Variants in ATP8A1 observed in about 807,000 individuals in gnomAD.
The protein encoded by ATP8A1 is phospholipid-transporting ATPase IA.
A neutral mutation model predicts 177.7 loss-of-function variants in ATP8A1; 90 were observed. The observed-to-expected ratio is 0.51, with a 90% CI of 0.43 to 0.60. The LOEUF (loss-of-function observed/expected upper bound fraction) is 0.60, where lower values mean the gene tolerates loss of function less well. Ranked by LOEUF, ATP8A1 falls within the 20% of genes least tolerant of loss-of-function variation. ATP8A1 has a pLI of 0.00. For synonymous variants in ATP8A1, 493 were observed against 485.9 expected (o/e 1.01, Z -0.19); for missense variants, 1,072 against 1,392.8 (o/e 0.77, Z 3.67).
At chr4:42,452,120 C>A in intron 29 of ATP8A1, 61 bp from the exon 30 acceptor site, 1 of 1,202,448 alleles carries the variant, frequency 8.3e-7, no homozygotes, top group South Asian at 1.3e-5. Flanking sequence ...TGAACTCTGA[C>A]CTTTCTTTTT....
rs780903769 is a variant in ATP8A1, at chr4:42,422,878, T to C, written c.3234A>G (p.Lys1078=). The part of the protein sequence containing the change: ...VYKVIKRTAF[K]TLVDEVQELE... The stretch of plus-strand genomic sequence containing the variant: ...GCTCCTGAACTTCATCGACCAATGT[T>C]TTAAAAGCAGTCCTCTTGATACTGC... Residue 1078 remains lysine (K), a synonymous_variant, in exon 35 of 37, where the codon AAA becomes AAG. Coordinates refer to ENST00000381668, the MANE Select transcript of ATP8A1 (RefSeq NM_006095.2). The C allele has an allele frequency of 3.7e-6, 6 of 1,612,362 alleles. No homozygotes were observed. Among genetic ancestry groups the C allele is most frequent in the African/African-American group, 2.7e-5 (2 of 74,918 alleles).
At chr4:42,580,096 C>A in intron 10 of ATP8A1, 118 bp from the exon 11 acceptor site, 1 of 710,880 alleles carries the variant, frequency 1.4e-6, no homozygotes, top group Non-Finnish European at 2.2e-6. Context: ...TGGGTGGATA[C>A]GTGAAAATTA....
At chr4:42,532,676 A>C (rs1463721358) in intron 20 of ATP8A1, among the ~76,000 whole-genome samples, 1 of 152,204 alleles carries the variant, frequency 6.6e-6, no homozygotes, top group African/African-American at 2.4e-5. Flanking sequence ...ACTCAGATGG[A>C]TGGAGCAGCG....
Position 42,591,054 on chromosome 4 carries a change from G to T in ATP8A1, c.451-170C>A, listed in dbSNP as rs555287154. ...TTTTTTCAAAACTTATTTTGATCAG[G>T]TCTGAAGGCATAAGAAAACATTTAA... On this transcript the variant is annotated intron_variant, in intron 6 of 36. Coordinates refer to ENST00000381668, the MANE Select transcript of ATP8A1 (RefSeq NM_006095.2). Among the ~76,000 whole-genome samples the T allele has an allele frequency of 3.9e-5, 6 of 152,036 alleles. No individual in the cohort carries two copies. In the East Asian group the frequency reaches 1.2e-3, roughly 29 times the overall value.
At position 42,447,504 on chromosome 4, in the gene ATP8A1, C is replaced by T. The variant is rs140567734; in HGVS notation, c.2897-860G>A. 3.2e-4 allele frequency among the ~76,000 whole-genome samples: 49 copies of T among 151,980 alleles called. No individual in the cohort carries two copies. The East Asian group carries it at 8.1e-3, about 25-fold the overall frequency. On this transcript the variant is annotated intron_variant, in intron 30 of 36. Transcript: ENST00000381668. ...GGCCGCCTTCAAATGTGGCTTTAGA[C>T]GAAGGAAGTGGTAGCTGATGCACAA...
intron 36 of ATP8A1, 74 bp downstream of exon 36, chr4:42,414,553 C>T: frequency 1.5e-6 from 2 of 1,291,238 alleles, no homozygotes; most frequent in South Asian, 1.2e-5. Context: ...TCCCTAAAGT[C>T]AGGATACTGT....
In ATP8A1 at chr4:42,489,318, G is replaced by A. The variant is rs1722513910; in HGVS notation, c.2152-3650C>T. ...TGAAACGCCCTCATGAACCAACATAGGGTATGCAGTCCTGTGGTCCCCGCT... is the reference window on the plus strand; with the variant it reads ...TGAAACGCCCTCATGAACCAACATAAGGTATGCAGTCCTGTGGTCCCCGCT... On this transcript the variant is annotated intron_variant, in intron 24 of 36. Transcript: ENST00000381668. 2.6e-5 allele frequency among the ~76,000 whole-genome samples: 4 copies of A among 152,088 alleles called. No homozygotes were observed. The South Asian group carries it at 8.3e-4, about 32-fold the overall frequency.
At chr4:42,418,344 G>A (rs554965882) in intron 35 of ATP8A1, among the ~76,000 whole-genome samples, 29 of 129,756 alleles carry the variant, frequency 2.2e-4, no homozygotes, top group Non-Finnish European at 4.5e-4. Flanking sequence ...AAAGAATTAT[G>A]AGTCTCATTA....
chr4:42,589,190 C>T (rs1273000204), intron 7 of ATP8A1, among the ~76,000 whole-genome samples: 1 of 152,200 alleles, frequency 6.6e-6, no homozygotes, highest in African/African-American at 2.4e-5. Flanking sequence ...CAACTACAGA[C>T]ATCTAAGTTT....
chr4:42,421,731 A>G (rs1713956858), intron 35 of ATP8A1, among the ~76,000 whole-genome samples: 1 of 152,196 alleles, frequency 6.6e-6, no homozygotes, highest in Non-Finnish European at 1.5e-5. Flanking sequence ...ACAGTGAATC[A>G]TGATTAAGGT....
At position 42,555,139 on chromosome 4, in the gene ATP8A1, AATCTATCTATCTATCTATCT is replaced by A. The variant is rs1553903247; in HGVS notation, c.1413+809_1413+828del. On this transcript the variant is annotated intron_variant, in intron 16 of 36. Transcript: ENST00000381668. The stretch of plus-strand genomic sequence containing the variant: ...TATCTATCTATCTATCTATCTATCT[AATCTATCTATCTATCTATCT>A]ATCTATCTATCTATCTATCTATCTA... Among the ~76,000 whole-genome samples, 112 of 59,534 alleles carry A rather than the reference AATCTATCTATCTATCTATCT, an allele frequency of 1.9e-3. 1 individual carries two copies. Among genetic ancestry groups the A allele is most frequent in the Non-Finnish European group, 2.7e-3 (78 of 28,516 alleles). The allele number at this position is 59,534 out of a possible 152,430, so 39.1% of individuals were successfully genotyped here.
At chr4:42,440,345 T>G (rs1228272236) in intron 33 of ATP8A1, among the ~76,000 whole-genome samples, 2 of 151,948 alleles carry the variant, frequency 1.3e-5, no homozygotes, top group South Asian at 4.2e-4. Context: ...GTTTTTTTTT[T>G]TTTTTTTTTT....
At chr4:42,415,252 T>C (rs183692475) in intron 35 of ATP8A1, 1 of 152,326 alleles carries the variant, frequency 6.6e-6, no homozygotes, top group African/African-American at 2.4e-5. Context: ...TAACTAGAAG[T>C]TCACTACCAC....
At chr4:42,596,136 G>A (rs1734693632) in intron 6 of ATP8A1, among the ~76,000 whole-genome samples, 1 of 152,166 alleles carries the variant, frequency 6.6e-6, no homozygotes, top group Non-Finnish European at 1.5e-5. Flanking sequence ...TTCCAGCCTA[G>A]TGTGTGCATA....
chr4:42,636,156 A>ACACGCGCGAGCGCGCGCG, intron 1 of ATP8A1, among the ~76,000 whole-genome samples: 2 of 90,968 alleles, frequency 2.2e-5, no homozygotes, highest in Non-Finnish European at 2.6e-5. Flanking sequence ...ACACACACAC[A>ACACGCGCGAGCGCGCGCG]CGCACACACA....
chr4:42,512,181 G>A (rs570534775), intron 22 of ATP8A1, among the ~76,000 whole-genome samples: 9 of 152,284 alleles, frequency 5.9e-5, no homozygotes, highest in Admixed American at 3.3e-4. Flanking sequence ...AGCTATGACC[G>A]TAAGGACAAA....
intron 8 of ATP8A1, among the ~76,000 whole-genome samples, chr4:42,587,648 C>A (rs889896593): frequency 1.3e-5 from 2 of 151,108 alleles, no homozygotes; most frequent in East Asian, 3.9e-4. Context: ...GCTCTGTCGC[C>A]CAGGCTGGAG....
chr4:42,423,815 G>T, intron 33 of ATP8A1, 110 bp from the exon 34 acceptor site: 1 of 677,808 alleles, frequency 1.5e-6, no homozygotes, highest in African/African-American at 1.8e-5. Flanking sequence ...CATTCTGTAA[G>T]AGAGTATACA....
intron 5 of ATP8A1, among the ~76,000 whole-genome samples, chr4:42,611,933 A>G (rs2109436348): frequency 6.6e-6 from 1 of 152,360 alleles, no homozygotes; most frequent in South Asian, 2.1e-4. Context: ...GTGAGTTCAA[A>G]TACTGAGGGA....
Sources: gnomAD v4.1 joint callset for allele counts (sites outside exome capture counted in the v4.1 genomes callset) on GRCh38, gnomAD v4.1.1 for gene constraint, MANE v1.5 for transcripts, NCBI Gene and HGNC (gene_info 2026-07-23, HGNC 2026-07-21) for gene names.